Variants in CYFIP2 observed in about 807,000 individuals in gnomAD.
The protein encoded by CYFIP2 is cytoplasmic FMR1-interacting protein 2.
CYFIP2 carries 29 observed loss-of-function variants against 158.7 expected under a neutral mutation model. That is an observed-to-expected ratio of 0.18 (90% CI 0.14 to 0.25). The LOEUF (loss-of-function observed/expected upper bound fraction) is 0.25. Among genes scored for constraint, CYFIP2 ranks in the 10% least tolerant of loss-of-function variants. The pLI is 1.00. For missense variants in CYFIP2, 852 were observed against 1,639.5 expected (o/e 0.52, Z 8.29); for synonymous variants, 585 against 617.6 (o/e 0.95, Z 0.78).
At chr5:157,271,671 A>G (rs1756105898) in intron 1 of CYFIP2, 1 of 152,238 alleles carries the variant, frequency 6.6e-6, no homozygotes, top group Admixed American at 6.5e-5. Flanking sequence ...AACCAAGGCT[A>G]ACCTCCACAT....
intron 3 of CYFIP2, among the ~76,000 whole-genome samples, chr5:157,293,924 C>G (rs893683099): frequency 6.6e-6 from 1 of 152,062 alleles, no homozygotes; most frequent in Non-Finnish European, 1.5e-5. Flanking sequence ...AAACAGGCCT[C>G]ATGTGCTGAG....
intron 13 of CYFIP2, among the ~76,000 whole-genome samples, chr5:157,316,569 T>G (rs1760165655): frequency 6.6e-6 from 1 of 152,222 alleles, no homozygotes; most frequent in African/African-American, 2.4e-5. Context: ...GAAAACTCCT[T>G]TACACTAGGT....
rs1284778437 is a variant in CYFIP2, at chr5:157,307,632, A to G, written c.796-129A>G. On this transcript the variant is annotated intron_variant, in intron 8 of 30. Transcript: ENST00000620254. The stretch of plus-strand genomic sequence containing the variant: ...TTTTCATAATATAATGTGTGTCTCT[A>G]CAGGGTGTGTGTGTGTGTGTGTGTA... 6 of 406,474 alleles carry G rather than the reference A, an allele frequency of 1.5e-5. No homozygotes were observed. In the East Asian group the frequency reaches 1.9e-4, roughly 13 times the overall value. The allele number at this position is 406,474 out of a possible 1,614,324, so 25.2% of individuals were successfully genotyped here. A position where few individuals can be genotyped will look rare whatever the true frequency, so the allele number is the denominator to read the frequency against.
intron 8 of CYFIP2, among the ~76,000 whole-genome samples, chr5:157,305,641 G>A (rs1759152101): frequency 6.6e-6 from 1 of 152,128 alleles, no homozygotes; most frequent in Non-Finnish European, 1.5e-5. Flanking sequence ...TTCCTGAGTA[G>A]CTGGGACTAC....
At chr5:157,309,864 C>G in intron 10 of CYFIP2, 30 bp downstream of exon 10, 1 of 1,558,182 alleles carries the variant, frequency 6.4e-7, no homozygotes, top group African/African-American at 1.4e-5. Context: ...TCTCTCGGCT[C>G]CCGCAAGGAT....
At chr5:157,287,397 T>C (rs987219094) in intron 3 of CYFIP2, among the ~76,000 whole-genome samples, 8 of 152,214 alleles carry the variant, frequency 5.3e-5, no homozygotes, top group African/African-American at 1.4e-4. Context: ...TGGGTTAACA[T>C]GTGATTGGAT....
chr5:157,375,087 C>A (rs1250515398), intron 26 of CYFIP2, among the ~76,000 whole-genome samples: 4 of 152,178 alleles, frequency 2.6e-5, no homozygotes, highest in Non-Finnish European at 4.4e-5. Context: ...TTGTTAAAGG[C>A]ACCCAGGAAT....
intron 23 of CYFIP2, among the ~76,000 whole-genome samples, chr5:157,354,624 C>G (rs978225122): frequency 2.6e-5 from 4 of 151,900 alleles, no homozygotes; most frequent in African/African-American, 9.7e-5. Flanking sequence ...TTGAATTCTC[C>G]TCATTTCATG....
Position 157,277,771 on chromosome 5 carries a change from CTG to C in CYFIP2, c.-23-7566_-23-7565del, listed in dbSNP as rs571261256. 1.2e-3 allele frequency among the ~76,000 whole-genome samples: 186 copies of C among 152,292 alleles called. 2 individuals are homozygous for C. Among genetic ancestry groups the C allele is most frequent in the African/African-American group, 3.3e-3 (137 of 41,544 alleles). On this transcript the variant is annotated intron_variant, in intron 1 of 30. Coordinates refer to ENST00000620254, the MANE Select transcript of CYFIP2 (RefSeq NM_001037333.3). ...TAGAGTCATTACCAATTAGCAATGT[CTG>C]TCCTGGCATGGGAGGAAGAAGTAGC...
At chr5:157,367,330 G>T (rs748022900) in intron 26 of CYFIP2, among the ~76,000 whole-genome samples, 16 of 152,168 alleles carry the variant, frequency 1.1e-4, no homozygotes, top group Non-Finnish European at 1.8e-4. Flanking sequence ...AACCAATAAT[G>T]TCTCTAGATA....
At position 157,311,724 on chromosome 5, in the gene CYFIP2, G is replaced by C; in HGVS notation, c.1053G>C (p.Gln351His). 1.2e-6 allele frequency: 2 copies of C among 1,609,702 alleles called. No homozygotes were observed. Among genetic ancestry groups the C allele is most frequent in the Middle Eastern group, 1.7e-4 (1 of 6,056 alleles). The part of the protein sequence containing the change: ...PQYNICEQMV[Q>H]IRDDHIRFIS... ...ACAATATCTGCGAGCAGATGGTTCA[G>C]ATCCGGGATGACCACATCCGCTTCA... The change falls in exon 11 of 31, where the codon CAG becomes CAC. Residue 351 changes from glutamine to histidine, a missense_variant. Transcript: ENST00000620254. This position sits in a 1 kb window ranked among gnomAD's most constrained non-coding sequence, Gnocchi z 4.7.
chr5:157,378,635 A>G (rs753586406), intron 26 of CYFIP2, among the ~76,000 whole-genome samples: 1 of 152,176 alleles, frequency 6.6e-6, no homozygotes, highest in Non-Finnish European at 1.5e-5. Flanking sequence ...TTATTTAAGC[A>G]TCTGTGTGCG....
chr5:157,340,820 G>A (rs7704145), intron 22 of CYFIP2, among the ~76,000 whole-genome samples: 1 of 151,960 alleles, frequency 6.6e-6, no homozygotes, highest in Admixed American at 6.5e-5. Flanking sequence ...AGTGTCATTC[G>A]GAGCAGCCAC....
chr5:157,389,450 A>G, intron 29 of CYFIP2, 23 bp downstream of exon 29: 4 of 1,541,438 alleles, frequency 2.6e-6, no homozygotes, highest in Non-Finnish European at 2.6e-6. Flanking sequence ...CAGAGAAGGC[A>G]GGGTTACCCC....
chr5:157,302,665 A>T (rs1400513815), intron 6 of CYFIP2, 129 bp from the exon 7 acceptor site: 1 of 655,134 alleles, frequency 1.5e-6, no homozygotes, highest in Admixed American at 3.1e-5. Context: ...GTTGCCTGGG[A>T]TATTCAGAGC....
chr5:157,365,400 TG>T (rs1764271385), intron 26 of CYFIP2: 1 of 152,158 alleles, frequency 6.6e-6, no homozygotes, highest in Non-Finnish European at 1.5e-5. Flanking sequence ...ATTTAACAGT[TG>T]ATCACTTGGA....
In CYFIP2 at chr5:157,384,195, G is replaced by A. The variant is rs73815878; in HGVS notation, c.3207+836G>A. On this transcript the variant is annotated intron_variant, in intron 28 of 30. Coordinates refer to ENST00000620254, the MANE Select transcript of CYFIP2 (RefSeq NM_001037333.3). ...CGAGTCACGATGAACATCAAGATGA[G>A]TAAGACAGGACCCCTGCCTTCAGAG... 500 of 432,156 alleles carry A rather than the reference G, an allele frequency of 1.2e-3. 3 individuals are homozygous for A. The highest frequency in any genetic ancestry group is 9.3e-3 in the African/African-American group (457 of 49,328). The allele number at this position is 432,156 out of a possible 1,614,324, so 26.8% of individuals were successfully genotyped here.
At chr5:157,370,024 G>C (rs921848166) in intron 26 of CYFIP2, among the ~76,000 whole-genome samples, 2 of 152,054 alleles carry the variant, frequency 1.3e-5, no homozygotes, top group Admixed American at 6.6e-5. Context: ...GGGATAACAG[G>C]CACCTGCCAC....
At chr5:157,382,374 A>G (rs1766212059) in intron 26 of CYFIP2, among the ~76,000 whole-genome samples, 1 of 152,210 alleles carries the variant, frequency 6.6e-6, no homozygotes, top group South Asian at 2.1e-4. Context: ...TTTGATCCTC[A>G]CAACCCATTA....
Sources: allele counts gnomAD v4.1 joint callset (sites outside exome capture counted in the v4.1 genomes callset), GRCh38; gene constraint gnomAD v4.1.1; non-coding constraint Gnocchi (gnomAD v3.1); transcripts MANE v1.5; gene names NCBI Gene and HGNC (gene_info 2026-07-23, HGNC 2026-07-21).